GFOD1: variants seen among roughly 807,000 people sequenced by gnomAD.
The protein encoded by GFOD1 is glucose-fructose oxidoreductase domain-containing protein 1.
GFOD1 carries 9 observed loss-of-function variants against 25.4 expected under a neutral mutation model. The observed-to-expected ratio is 0.35, with a 90% confidence interval of 0.21 to 0.62. GFOD1 has a LOEUF of 0.62. GFOD1 is among the 20% of genes least tolerant of loss of function. The pLI is 0.72. For missense variants in GFOD1, 403 were observed against 556.9 expected (o/e 0.72, Z 2.78); for synonymous variants, 253 against 245.6 (o/e 1.03, Z -0.28).
chr6:13,405,889 T>C (rs1785935036), intron 1 of GFOD1, among the ~76,000 whole-genome samples: 1 of 152,162 alleles, frequency 6.6e-6, no homozygotes, highest in African/African-American at 2.4e-5. Flanking sequence ...TTGCCACTCC[T>C]GAGAGATACT....
intron 1 of GFOD1, among the ~76,000 whole-genome samples, chr6:13,370,062 T>A (rs1305730252): frequency 1.3e-5 from 2 of 152,096 alleles, no homozygotes; most frequent in Non-Finnish European, 2.9e-5. Flanking sequence ...AGGACAGCAC[T>A]CACAATAATG....
chr6:13,376,268 G>A (rs2127557424), intron 1 of GFOD1, among the ~76,000 whole-genome samples: 1 of 152,318 alleles, frequency 6.6e-6, no homozygotes, highest in South Asian at 2.1e-4. Context: ...GGTGACAGTG[G>A]TCAGGGACTT....
At chr6:13,392,400 G>C (rs1785632566) in intron 1 of GFOD1, among the ~76,000 whole-genome samples, 1 of 149,884 alleles carries the variant, frequency 6.7e-6, no homozygotes, top group Non-Finnish European at 1.5e-5. Context: ...CCTCTGGTCA[G>C]TGTGTTTTGA....
intron 1 of GFOD1, among the ~76,000 whole-genome samples, chr6:13,438,733 T>C (rs1757870085): frequency 6.6e-6 from 1 of 152,160 alleles, no homozygotes; most frequent in South Asian, 2.1e-4. Context: ...GAAGTACTGA[T>C]CTAGGATTCA....
intron 1 of GFOD1, among the ~76,000 whole-genome samples, chr6:13,448,039 C>T (rs1208116416): frequency 6.6e-6 from 1 of 151,946 alleles, no homozygotes; most frequent in Admixed American, 6.6e-5. Context: ...GCATGGCTTC[C>T]AAGTCTCTGG....
intron 1 of GFOD1, among the ~76,000 whole-genome samples, chr6:13,435,654 G>T (rs917516531): frequency 2.6e-5 from 4 of 152,112 alleles, no homozygotes; most frequent in Non-Finnish European, 5.9e-5. Flanking sequence ...TGCCTTCCCC[G>T]GAAGCTAGAC....
chr6:13,448,828 G>A (rs1322802310), intron 1 of GFOD1, among the ~76,000 whole-genome samples: 1 of 152,182 alleles, frequency 6.6e-6, no homozygotes, highest in Non-Finnish European at 1.5e-5. Context: ...CTCCTGAGAT[G>A]CTCTGTTCTT....
chr6:13,397,041 CT>C (rs1476371266), intron 1 of GFOD1, among the ~76,000 whole-genome samples: 1 of 152,154 alleles, frequency 6.6e-6, no homozygotes, highest in Non-Finnish European at 1.5e-5. Flanking sequence ...TGACCGACAC[CT>C]TCAGAGCCAC....
chr6:13,404,923 A>C (rs519657), intron 1 of GFOD1, among the ~76,000 whole-genome samples: 86,628 of 151,998 alleles, frequency 0.57, 28,587 homozygotes, highest in Non-Finnish European at 0.73. Flanking sequence ...AATGTTTAAA[A>C]ATTTTTTAAT....
intron 1 of GFOD1, among the ~76,000 whole-genome samples, chr6:13,421,200 T>C (rs1010973883): frequency 2.0e-5 from 3 of 152,124 alleles, no homozygotes; most frequent in Non-Finnish European, 4.4e-5. Context: ...GAGTAAAAAA[T>C]AAACTGGCCA....
chr6:13,390,853 G>A (rs1247696605), intron 1 of GFOD1, among the ~76,000 whole-genome samples: 4 of 148,502 alleles, frequency 2.7e-5, no homozygotes, highest in Admixed American at 6.7e-5. Context: ...TACCTCAAAA[G>A]GTTGTTATGA....
At chr6:13,484,812 T>C (rs6906273) in intron 1 of GFOD1, among the ~76,000 whole-genome samples, 11,260 of 152,244 alleles carry the variant, frequency 0.074, 482 homozygotes, top group East Asian at 0.16. Context: ...CTAGGTTTGC[T>C]CTGTGGGTCT....
At chr6:13,370,675 T>C (rs961206453) in intron 1 of GFOD1, among the ~76,000 whole-genome samples, 4 of 151,112 alleles carry the variant, frequency 2.6e-5, no homozygotes, top group Non-Finnish European at 5.9e-5. Context: ...AGTATAGACT[T>C]CTAGTCAGAC....
chr6:13,473,737 C>A (rs75694260), intron 1 of GFOD1, among the ~76,000 whole-genome samples: 149 of 152,140 alleles, frequency 9.8e-4, no homozygotes, highest in African/African-American at 3.4e-3. Context: ...TAAATCCTAC[C>A]CCCTCTTCTG....
intron 1 of GFOD1, among the ~76,000 whole-genome samples, chr6:13,371,012 T>G (rs573925594): frequency 4.7e-4 from 72 of 152,318 alleles, no homozygotes; most frequent in African/African-American, 1.7e-3. Flanking sequence ...TGTCTTAGCA[T>G]AGGAGAAAGC....
At chr6:13,422,666 T>C (rs1562214283) in intron 1 of GFOD1, among the ~76,000 whole-genome samples, 1 of 152,206 alleles carries the variant, frequency 6.6e-6, no homozygotes, top group African/African-American at 2.4e-5. Context: ...AAGAAACCCG[T>C]GTCCCCCTCC....
chr6:13,418,213 C>A (rs756025631), intron 1 of GFOD1, among the ~76,000 whole-genome samples: 4 of 152,144 alleles, frequency 2.6e-5, no homozygotes, highest in Non-Finnish European at 5.9e-5. Context: ...GAAGCCACTG[C>A]AGGGGACAGG....
At chr6:13,394,284 T>A (rs1179115962) in intron 1 of GFOD1, among the ~76,000 whole-genome samples, 1 of 152,102 alleles carries the variant, frequency 6.6e-6, no homozygotes, top group Non-Finnish European at 1.5e-5. Context: ...TGCAGAAGAA[T>A]GTGCATGGTA....
At chr6:13,441,911 A>C (rs529269630) in intron 1 of GFOD1, among the ~76,000 whole-genome samples, 1 of 152,226 alleles carries the variant, frequency 6.6e-6, no homozygotes, top group Non-Finnish European at 1.5e-5. Context: ...CTGGCTGCTC[A>C]GGATACAAGG....
Sources: gnomAD v4.1 joint callset for allele counts (sites outside exome capture counted in the v4.1 genomes callset) on GRCh38, gnomAD v4.1.1 for gene constraint, MANE v1.5 for transcripts, NCBI Gene and HGNC (gene_info 2026-07-23, HGNC 2026-07-21) for gene names.